The following ABCB4 variants were observed in gnomAD, a reference collection of about 807,000 sequenced individuals.
ABCB4 encodes phosphatidylcholine translocator ABCB4.
Under a neutral mutation model 145.7 loss-of-function variants are expected in ABCB4, and 76 were observed. That is an observed-to-expected ratio of 0.52 (90% CI 0.43 to 0.63). The LOEUF (loss-of-function observed/expected upper bound fraction) is 0.63, where lower values mean the gene tolerates loss of function less well. Ranked by LOEUF, ABCB4 falls within the 30% of genes least tolerant of loss-of-function variation. The pLI is 0.00. For missense variants in ABCB4, 1,234 were observed against 1,553.1 expected (o/e 0.79, Z 3.45); for synonymous variants, 517 against 566.8 (o/e 0.91, Z 1.25).
intron 18 of ABCB4, among the ~76,000 whole-genome samples, chr7:87,420,855 A>G (rs1809363373): frequency 6.6e-6 from 1 of 152,212 alleles, no homozygotes; most frequent in Non-Finnish European, 1.5e-5. Flanking sequence ...TCTCAGTGAC[A>G]AAGATACTGT....
chr7:87,371,918 C>A, the ABCB4 span, among the ~76,000 whole-genome samples: 1 of 148,408 alleles, frequency 6.7e-6, no homozygotes, highest in African/African-American at 2.5e-5. Context: ...CACTTGAGCC[C>A]AGGAGGTCGA....
intron 18 of ABCB4, 47 bp downstream of exon 18, chr7:87,422,074 T>G: frequency 3.1e-6 from 4 of 1,308,094 alleles, no homozygotes; most frequent in Non-Finnish European, 4.4e-6. Context: ...TTAATTTCTC[T>G]AATTAAATTA....
In ABCB4 at chr7:87,443,471, A is replaced by T. The variant is rs779513595; in HGVS notation, c.1231-27T>A. ...TGTAAGGAAAATGAGAAAAAAGAAC[A>T]CACTTCACAACAAAGCCCTAAAATG... On this transcript the variant is annotated intron_variant, in intron 11 of 27. Coordinates refer to ENST00000649586, the MANE Select transcript of ABCB4 (RefSeq NM_000443.4). The T allele has an allele frequency of 4.3e-6, 7 of 1,613,936 alleles. No homozygotes were observed. In the African/African-American group the frequency reaches 6.7e-5, roughly 15 times the overall value.
At chr7:87,430,233 C>T (rs1379772256) in intron 15 of ABCB4, among the ~76,000 whole-genome samples, 1 of 152,062 alleles carries the variant, frequency 6.6e-6, no homozygotes, top group African/African-American at 2.4e-5. Flanking sequence ...TAATTTCACA[C>T]ATTAATAAAA....
the ABCB4 span, chr7:87,377,504 C>A: frequency 9.8e-7 from 1 of 1,018,844 alleles, no homozygotes; most frequent in Non-Finnish European, 1.5e-6. Flanking sequence ...AAATTAATGA[C>A]AATAAACCAT....
At chr7:87,377,011 A>C in the ABCB4 span, among the ~76,000 whole-genome samples, 1 of 152,288 alleles carries the variant, frequency 6.6e-6, no homozygotes, top group Non-Finnish European at 1.5e-5. Context: ...TTTAATGACT[A>C]AACTTTTATC....
rs999096003 is a variant in ABCB4 at position 87,407,981 on chromosome 7, T to C, written c.3279+56A>G. The C allele has an allele frequency of 5.0e-6, 8 of 1,602,230 alleles. No individual in the cohort carries two copies. In the South Asian group the frequency reaches 8.8e-5, roughly 18 times the overall value. On this transcript the variant is annotated intron_variant, in intron 25 of 27. Transcript: ENST00000649586. ...TCCAATATTTTCCATTATGACAATA[T>C]TGGTTGGGCCAATTAAAATATAGCC...
rs567226630 is a variant in ABCB4, at chr7:87,468,888, G to A, written c.135+3733C>T. 2.3e-4 allele frequency among the ~76,000 whole-genome samples: 31 copies of A among 133,798 alleles called. 1 individual carries two copies. Among genetic ancestry groups the A allele is most frequent in the African/African-American group, 7.7e-4 (25 of 32,396 alleles). 87.8% of individuals were successfully genotyped at this position (133,798 alleles called of 152,430 possible). A position where few individuals can be genotyped will look rare whatever the true frequency, so the allele number is the denominator to read the frequency against. On this transcript the variant is annotated intron_variant, in intron 3 of 27. Transcript: ENST00000649586. The stretch of plus-strand genomic sequence containing the variant: ...GCAGCTTGCAGTGAGCCCAGATAGC[G>A]CCACTACAGTCCGGCCTGGGCGAAA...
At chr7:87,425,280 C>T (rs1809729423) in intron 16 of ABCB4, among the ~76,000 whole-genome samples, 1 of 151,996 alleles carries the variant, frequency 6.6e-6, no homozygotes, top group Admixed American at 6.6e-5. Flanking sequence ...GAGACGTGCT[C>T]CTATAAAATA....
the ABCB4 span, among the ~76,000 whole-genome samples, chr7:87,395,100 A>G: frequency 6.6e-6 from 1 of 152,206 alleles, no homozygotes; most frequent in Non-Finnish European, 1.5e-5. Flanking sequence ...AAGAAGCATT[A>G]ACTCACACGA....
chr7:87,412,350 G>A (rs1286700178), intron 22 of ABCB4, among the ~76,000 whole-genome samples: 8 of 152,134 alleles, frequency 5.3e-5, no homozygotes, highest in Non-Finnish European at 1.2e-4. Context: ...CATAGTTGTT[G>A]TTTCAAAAAT....
At chr7:87,377,212 G>A in the ABCB4 span, 1 of 548,860 alleles carries the variant, frequency 1.8e-6, no homozygotes, top group Non-Finnish European at 3.2e-6. Context: ...CAGTGTTGCT[G>A]ATCATAACTA....
At chr7:87,420,680 A>T (rs1040931482) in intron 18 of ABCB4, among the ~76,000 whole-genome samples, 3 of 152,236 alleles carry the variant, frequency 2.0e-5, no homozygotes, top group African/African-American at 7.2e-5. Context: ...TTTAAATAAC[A>T]AAAGTCCAGG....
intron 4 of ABCB4, among the ~76,000 whole-genome samples, chr7:87,461,490 A>G (rs1032089730): frequency 3.7e-4 from 57 of 152,196 alleles, no homozygotes; most frequent in Non-Finnish European, 6.9e-4. Context: ...TTTGCCATCT[A>G]TCACAGAAGA....
At chr7:87,405,801 T>G (rs1168810426) in intron 26 of ABCB4, 1 of 203,286 alleles carries the variant, frequency 4.9e-6, no homozygotes, top group Non-Finnish European at 1.0e-5. Flanking sequence ...TGCAAATGAA[T>G]GCAAGTAAAA....
In ABCB4 at chr7:87,408,605, C is replaced by T. The variant is rs191011928; in HGVS notation, c.3082-371G>A. Among the ~76,000 whole-genome samples the T allele has an allele frequency of 2.6e-5, 4 of 152,334 alleles. No individual in the cohort carries two copies. The East Asian group carries it at 7.7e-4, about 29-fold the overall frequency. ...AGTTTCTACCCAAAGTTTCAGTGGG[C>T]AGCCCTGATGGCAAACCCTGGCAGT... On this transcript the variant is annotated intron_variant, in intron 24 of 27. Transcript: ENST00000649586.
chr7:87,423,550 T>C, intron 17 of ABCB4: 1 of 349,488 alleles, frequency 2.9e-6, no homozygotes. Context: ...TCTATGACTT[T>C]AACCCCTCCC....
At chr7:87,366,898 G>A in the ABCB4 span, among the ~76,000 whole-genome samples, 3 of 152,208 alleles carry the variant, frequency 2.0e-5, no homozygotes, top group African/African-American at 4.8e-5. Context: ...GCACTACGGT[G>A]CTATCTTCCT....
intron 21 of ABCB4, 47 bp downstream of exon 21, chr7:87,417,263 CAT>C (rs760375922): frequency 2.6e-6 from 4 of 1,553,138 alleles, no homozygotes; most frequent in Admixed American, 1.7e-5. Flanking sequence ...AAATAAAACA[CAT>C]GTCTAAAAAC....
Sources: allele counts gnomAD v4.1 joint callset (sites outside exome capture counted in the v4.1 genomes callset), GRCh38; gene constraint gnomAD v4.1.1; transcripts MANE v1.5; gene names NCBI Gene and HGNC (gene_info 2026-07-23, HGNC 2026-07-21).